The following UST variants were observed in gnomAD, a reference collection of about 807,000 sequenced individuals.
UST encodes chondroitin sulfate 2-O-sulfotransferase.
Under a neutral mutation model 45.6 loss-of-function variants are expected in UST, and 21 were observed. That is an observed-to-expected ratio of 0.46 (90% CI 0.33 to 0.66). The LOEUF is 0.66. Among genes scored for constraint, UST ranks in the 30% least tolerant of loss-of-function variants. The probability of loss-of-function intolerance (pLI) is 0.02; values close to 1 mark genes in which losing one functional copy is unlikely to be tolerated. For synonymous variants in UST, 215 were observed against 200.6 expected (o/e 1.07, Z -0.61); for missense variants, 463 against 512.4 (o/e 0.90, Z 0.93).
At chr6:148,823,684 C>T (rs1174373365) in intron 1 of UST, among the ~76,000 whole-genome samples, 1 of 152,094 alleles carries the variant, frequency 6.6e-6, no homozygotes, top group Non-Finnish European at 1.5e-5. Flanking sequence ...TAAACTGTAC[C>T]TCATGTGTTA....
At chr6:148,784,167 C>T (rs551136983) in intron 1 of UST, among the ~76,000 whole-genome samples, 42 of 152,216 alleles carry the variant, frequency 2.8e-4, no homozygotes, top group African/African-American at 1.0e-3. Context: ...AATGTAACCA[C>T]ATTTCACTCA....
At chr6:148,828,108 G>C (rs1439735177) in intron 1 of UST, among the ~76,000 whole-genome samples, 2 of 151,898 alleles carry the variant, frequency 1.3e-5, no homozygotes, top group Non-Finnish European at 2.9e-5. Context: ...CAAATATGTT[G>C]ACTTCTGTCA....
chr6:148,993,181 T>C (rs1781387625), intron 5 of UST: 1 of 537,180 alleles, frequency 1.9e-6, no homozygotes, highest in Non-Finnish European at 2.4e-6. Flanking sequence ...GGCAAGAAAG[T>C]GGAATAAGAA....
chr6:148,791,839 C>T (rs908102783), intron 1 of UST, among the ~76,000 whole-genome samples: 1 of 152,186 alleles, frequency 6.6e-6, no homozygotes. Flanking sequence ...GAACTCATAT[C>T]TATCAGCACA....
At chr6:149,046,566 C>T (rs998923759) in intron 7 of UST, among the ~76,000 whole-genome samples, 7 of 152,232 alleles carry the variant, frequency 4.6e-5, no homozygotes, top group African/African-American at 1.7e-4. Context: ...CTAATTCTTA[C>T]CAGCTGTTTA....
intron 1 of UST, among the ~76,000 whole-genome samples, chr6:148,783,737 G>C (rs1776685942): frequency 1.3e-5 from 2 of 152,118 alleles, no homozygotes; most frequent in Admixed American, 6.5e-5. Context: ...GTGGAAGCCT[G>C]GGGAACCTGA....
chr6:149,036,202 G>A (rs1476368866), intron 7 of UST, among the ~76,000 whole-genome samples: 3 of 152,196 alleles, frequency 2.0e-5, no homozygotes, highest in Non-Finnish European at 4.4e-5. Flanking sequence ...TGGGGTCCCA[G>A]CTGCTTCATA....
At chr6:148,837,114 C>T (rs2114766988) in intron 1 of UST, among the ~76,000 whole-genome samples, 1 of 152,292 alleles carries the variant, frequency 6.6e-6, no homozygotes, top group South Asian at 2.1e-4. Flanking sequence ...GATATATATA[C>T]TGTGATGTGT....
chr6:149,007,204 C>T (rs1351972501), intron 5 of UST, among the ~76,000 whole-genome samples: 3 of 149,114 alleles, frequency 2.0e-5, no homozygotes, highest in African/African-American at 7.4e-5. Context: ...ACTGTAACCT[C>T]CACCTCCCAG....
At chr6:148,976,438 C>T (rs1781018467) in intron 5 of UST, among the ~76,000 whole-genome samples, 1 of 152,186 alleles carries the variant, frequency 6.6e-6, no homozygotes, top group Non-Finnish European at 1.5e-5. Context: ...ATTTCCAATT[C>T]ATACTCTGCT....
intron 2 of UST, among the ~76,000 whole-genome samples, chr6:148,888,362 A>G (rs187140313): frequency 9.8e-5 from 15 of 152,318 alleles, no homozygotes; most frequent in Middle Eastern, 3.4e-3. Flanking sequence ...ACAATTAGAC[A>G]TGAGATTTGG....
chr6:148,770,193 A>G (rs1321627838), intron 1 of UST, among the ~76,000 whole-genome samples: 3 of 151,902 alleles, frequency 2.0e-5, no homozygotes, highest in Non-Finnish European at 4.4e-5. Flanking sequence ...TGCAGACATT[A>G]TTGGTAATAG....
rs79650908 is a variant in UST at position 148,864,691 on chromosome 6, A to G, written c.248-22295A>G. On this transcript the variant is annotated intron_variant, in intron 1 of 7. Coordinates refer to ENST00000367463, the MANE Select transcript of UST (RefSeq NM_005715.3). ...GACGCTCAATATTAACCCTCACCGGAATGTTATGTGTTGAGGCAATAATTA... is the reference window on the plus strand; with the variant it reads ...GACGCTCAATATTAACCCTCACCGGGATGTTATGTGTTGAGGCAATAATTA... 4.1e-3 allele frequency among the ~76,000 whole-genome samples: 620 copies of G among 152,308 alleles called. 5 individuals are homozygous for G. The highest frequency in any genetic ancestry group is 6.2e-3 in the Non-Finnish European group (421 of 68,034).
Position 148,817,109 on chromosome 6 carries a change from C to T in UST, c.247+69432C>T, listed in dbSNP as rs116842773. The stretch of plus-strand genomic sequence containing the variant: ...CTAGGAGATTTTGGTGCAGGTGGCA[C>T]GTGGCCTACTCTTTCAGAAACCCCT... On this transcript the variant is annotated intron_variant, in intron 1 of 7. Transcript: ENST00000367463. Among the ~76,000 whole-genome samples the T allele has an allele frequency of 9.8e-3, 1,498 of 152,228 alleles. 11 individuals are homozygous for T. Among genetic ancestry groups the T allele is most frequent in the Middle Eastern group, 0.02 (6 of 294 alleles).
At position 148,747,508 on chromosome 6, in the gene UST, G is replaced by C. The variant is rs1017605116; in HGVS notation, c.78G>C (p.Pro26=). 6 of 1,531,740 alleles carry C rather than the reference G, an allele frequency of 3.9e-6. No homozygotes were observed. The highest frequency in any genetic ancestry group is 1.2e-5 in the South Asian group (1 of 81,398). 94.9% of individuals were successfully genotyped at this position (1,531,740 alleles called of 1,614,324 possible). The part of the protein sequence containing the change: ...PHGAPMGGAP[P]GLGSWKRRVP... ...GGGCCCCTATGGGGGGCGCCCCTCC[G>C]GGCCTGGGCAGCTGGAAGCGTCGGG... The change falls in exon 1 of 8, where the codon CCG becomes CCC. Residue 26 remains proline, a synonymous_variant. Coordinates refer to ENST00000367463, the MANE Select transcript of UST (RefSeq NM_005715.3).
intron 3 of UST, among the ~76,000 whole-genome samples, chr6:148,951,795 A>G (rs1011316187): frequency 1.3e-5 from 2 of 152,234 alleles, no homozygotes; most frequent in African/African-American, 4.8e-5. Context: ...GAGCATTAGT[A>G]CCTTGATTCT....
intron 7 of UST, among the ~76,000 whole-genome samples, chr6:149,056,726 A>G (rs1243392842): frequency 6.6e-6 from 1 of 152,244 alleles, no homozygotes; most frequent in African/African-American, 2.4e-5. Context: ...AGTGGGCTAC[A>G]GGTTGCCCAG....
intron 7 of UST, 122 bp from the exon 8 acceptor site, chr6:149,073,710 AC>A (rs1776849397): frequency 9.0e-7 from 1 of 1,115,600 alleles, no homozygotes; most frequent in African/African-American, 1.6e-5. Context: ...CTCTTCTAAT[AC>A]TTGGATATGC....
intron 5 of UST, among the ~76,000 whole-genome samples, chr6:149,001,000 G>T (rs2115002909): frequency 6.6e-6 from 1 of 151,040 alleles, no homozygotes. Flanking sequence ...AGAAAAAAGA[G>T]AATAGAAAAA....
Sources: allele counts gnomAD v4.1 joint callset (sites outside exome capture counted in the v4.1 genomes callset), GRCh38; gene constraint gnomAD v4.1.1; transcripts MANE v1.5; gene names NCBI Gene and HGNC (gene_info 2026-07-23, HGNC 2026-07-21).